Variants in MACROD2 observed in about 807,000 individuals in gnomAD.
MACROD2 encodes the protein mono-ADP ribosylhydrolase 2, also known as ADP-ribose glycohydrolase MACROD2.
Under a neutral mutation model 70.4 loss-of-function variants are expected in MACROD2, and 36 were observed. That is an observed-to-expected ratio of 0.51 (90% CI 0.39 to 0.68). MACROD2 has a LOEUF of 0.68. MACROD2 is among the 30% of genes least tolerant of loss of function. The probability of loss-of-function intolerance (pLI) is 0.00; values close to 1 mark genes in which losing one functional copy is unlikely to be tolerated. For synonymous variants in MACROD2, 172 were observed against 178.8 expected (o/e 0.96, Z 0.30); for missense variants, 496 against 538.4 (o/e 0.92, Z 0.78).
At chr20:14,225,067 A>G (rs993795557) in intron 3 of MACROD2, among the ~76,000 whole-genome samples, 15 of 152,206 alleles carry the variant, frequency 9.9e-5, no homozygotes, top group African/African-American at 3.6e-4. Context: ...TGTAGGTCAG[A>G]TGGGTGTTCA....
chr20:14,600,751 T>C (rs1453642146), intron 4 of MACROD2, among the ~76,000 whole-genome samples: 1 of 152,202 alleles, frequency 6.6e-6, no homozygotes, highest in African/African-American at 2.4e-5. Context: ...CATCTGCTCC[T>C]GAGCAGGCTT....
intron 3 of MACROD2, among the ~76,000 whole-genome samples, chr20:14,332,518 T>C (rs1316658592): frequency 6.6e-6 from 1 of 152,170 alleles, no homozygotes; most frequent in African/African-American, 2.4e-5. Context: ...TCTTATTTAA[T>C]GCCTTAGATT....
intron 5 of MACROD2, among the ~76,000 whole-genome samples, chr20:14,912,334 A>G (rs1372198646): frequency 6.6e-6 from 1 of 152,252 alleles, no homozygotes; most frequent in Non-Finnish European, 1.5e-5. Context: ...AAATGCTCTT[A>G]TGGATCATTA....
At chr20:15,037,704 T>G (rs2123017170) in intron 5 of MACROD2, among the ~76,000 whole-genome samples, 1 of 152,178 alleles carries the variant, frequency 6.6e-6, no homozygotes, top group South Asian at 2.1e-4. Context: ...TGAACCAGAC[T>G]TGATGACAAT....
chr20:14,863,531 A>G (rs1353409026), intron 5 of MACROD2, among the ~76,000 whole-genome samples: 1 of 152,144 alleles, frequency 6.6e-6, no homozygotes, highest in Non-Finnish European at 1.5e-5. Context: ...ATCAAAGCAT[A>G]TTGAACAGGA....
intron 5 of MACROD2, among the ~76,000 whole-genome samples, chr20:14,836,296 G>A (rs1321499808): frequency 1.3e-5 from 2 of 152,070 alleles, no homozygotes; most frequent in Admixed American, 1.3e-4. Flanking sequence ...TTTGATCTGG[G>A]AATAGTTTGT....
intron 5 of MACROD2, among the ~76,000 whole-genome samples, chr20:15,163,400 TAGAAG>T (rs916972841): frequency 1.3e-5 from 2 of 152,050 alleles, no homozygotes; most frequent in African/African-American, 2.4e-5. Context: ...ATATGACTGT[TAGAAG>T]AAATGAACAA....
At chr20:15,160,974 G>GAC (rs71340212) in intron 5 of MACROD2, among the ~76,000 whole-genome samples, 78,398 of 151,650 alleles carry the variant, frequency 0.52, 20,360 homozygotes, top group East Asian at 0.57. Context: ...AGGAGTGGAT[G>GAC]ACACACACAT....
At chr20:15,664,764 C>A (rs1372284043) in intron 8 of MACROD2, among the ~76,000 whole-genome samples, 1 of 152,108 alleles carries the variant, frequency 6.6e-6, no homozygotes, top group African/African-American at 2.4e-5. Flanking sequence ...CAAGTGCAGA[C>A]CCAGCCTCTG....
At chr20:14,052,886 A>C (rs189539299) in intron 2 of MACROD2, among the ~76,000 whole-genome samples, 90 of 152,310 alleles carry the variant, frequency 5.9e-4, no homozygotes, top group African/African-American at 2.1e-3. Flanking sequence ...GAAAACTTAC[A>C]GCAGTTGGAA....
chr20:14,737,402 T>G (rs972854918), intron 5 of MACROD2, among the ~76,000 whole-genome samples: 13 of 152,160 alleles, frequency 8.5e-5, no homozygotes, highest in Admixed American at 8.5e-4. Flanking sequence ...TGAATAGTGC[T>G]GCAGTAAACA....
intron 5 of MACROD2, among the ~76,000 whole-genome samples, chr20:14,981,907 G>A (rs1275761460): frequency 2.6e-5 from 4 of 152,172 alleles, no homozygotes; most frequent in Admixed American, 2.6e-4. Context: ...TTGTAACTGG[G>A]TTACAGGCAG....
intron 3 of MACROD2, among the ~76,000 whole-genome samples, chr20:14,343,263 A>G (rs1325860907): frequency 6.6e-6 from 1 of 151,750 alleles, no homozygotes; most frequent in African/African-American, 2.4e-5. Context: ...ACTTAAAATG[A>G]TCCTTGAAAA....
At chr20:14,863,577 A>G (rs775162265) in intron 5 of MACROD2, among the ~76,000 whole-genome samples, 23 of 152,150 alleles carry the variant, frequency 1.5e-4, no homozygotes, top group Admixed American at 3.3e-4. Flanking sequence ...AGATTTCCAG[A>G]AAAATATAGT....
chr20:14,065,657 TGTGA>T (rs1307696520), intron 2 of MACROD2, among the ~76,000 whole-genome samples: 1 of 152,194 alleles, frequency 6.6e-6, no homozygotes, highest in African/African-American at 2.4e-5. Flanking sequence ...ACAACAATGC[TGTGA>T]GAGAGGTAAT....
At chr20:15,490,183 CTT>C in intron 7 of MACROD2, among the ~76,000 whole-genome samples, 1 of 143,208 alleles carries the variant, frequency 7.0e-6, no homozygotes, top group African/African-American at 2.6e-5. Context: ...TCCTTCCTTC[CTT>C]CCTTTCTTCC....
intron 4 of MACROD2, among the ~76,000 whole-genome samples, chr20:14,573,751 G>A (rs1980379808): frequency 6.6e-6 from 1 of 152,034 alleles, no homozygotes; most frequent in South Asian, 2.1e-4. Context: ...CAAAACAACT[G>A]TACTTACTGA....
At chr20:15,663,689 A>G (rs2049856163) in intron 8 of MACROD2, among the ~76,000 whole-genome samples, 1 of 152,220 alleles carries the variant, frequency 6.6e-6, no homozygotes, top group Admixed American at 6.5e-5. Flanking sequence ...TTATCAGTCT[A>G]ATGATGCCTA....
chr20:15,792,395 A>T (rs2063632349), intron 8 of MACROD2, among the ~76,000 whole-genome samples: 1 of 152,170 alleles, frequency 6.6e-6, no homozygotes, highest in Non-Finnish European at 1.5e-5. Context: ...ACTAAAAAAA[A>T]ATCTGAACTA....
Sources: gnomAD v4.1 joint callset for allele counts (sites outside exome capture counted in the v4.1 genomes callset) on GRCh38, gnomAD v4.1.1 for gene constraint, MANE v1.5 for transcripts, NCBI Gene and HGNC (gene_info 2026-07-23, HGNC 2026-07-21) for gene names.